ZNF679: variants seen among roughly 807,000 people sequenced by gnomAD.
ZNF679 encodes hypothetical protein MGC42415.
In ZNF679, 10 loss-of-function variants were observed where a neutral mutation model predicts 13.4. The ratio of observed to expected loss-of-function variants is 0.75; its 90% CI spans 0.46 to 1.27. The LOEUF (loss-of-function observed/expected upper bound fraction) is 1.27, where lower values mean the gene tolerates loss of function less well. Among genes scored for constraint, ZNF679 ranks in the 50% most tolerant of loss-of-function variants. The pLI is 0.00. For missense variants in ZNF679, 525 were observed against 477.8 expected, an observed-to-expected ratio of 1.10 and a Z score of -0.92; for synonymous variants, 179 against 162.5, an observed-to-expected ratio of 1.10 and a Z score of -0.77.
intron 4 of ZNF679, among the ~76,000 whole-genome samples, chr7:64,262,566 G>T (rs569852103): frequency 2.0e-5 from 3 of 152,116 alleles, no homozygotes; most frequent in East Asian, 3.9e-4. Context: ...TCTGTTGAAG[G>T]GATTATATTT....
chr7:64,235,718 G>A (rs1255434652), intron 1 of ZNF679, among the ~76,000 whole-genome samples: 1 of 151,886 alleles, frequency 6.6e-6, no homozygotes, highest in Non-Finnish European at 1.5e-5. Flanking sequence ...GAACCCAAGA[G>A]GCAGAGGTTG....
intron 4 of ZNF679, among the ~76,000 whole-genome samples, chr7:64,264,186 T>A (rs1356219659): frequency 6.6e-6 from 1 of 152,052 alleles, no homozygotes; most frequent in Non-Finnish European, 1.5e-5. Context: ...TATAAAGATT[T>A]TTTCTTTGTG....
At chr7:64,233,888 T>A (rs1279364351) in intron 1 of ZNF679, among the ~76,000 whole-genome samples, 1 of 151,842 alleles carries the variant, frequency 6.6e-6, no homozygotes, top group Non-Finnish European at 1.5e-5. Flanking sequence ...GGCTGGCTTG[T>A]GAGAAACAAG....
chr7:64,258,903 T>C (rs1199520724), intron 2 of ZNF679, among the ~76,000 whole-genome samples: 1 of 151,806 alleles, frequency 6.6e-6, no homozygotes, highest in Non-Finnish European at 1.5e-5. Flanking sequence ...GTTTTTGTTT[T>C]GTTTTGTTTT....
intron 1 of ZNF679, among the ~76,000 whole-genome samples, chr7:64,241,041 G>A (rs761245534): frequency 3.3e-5 from 5 of 152,124 alleles, no homozygotes; most frequent in Non-Finnish European, 7.4e-5. Flanking sequence ...AACCTTAACA[G>A]TGGGTTCTGT....
In ZNF679 at chr7:64,233,395, G is replaced by A. The variant is rs563332313; in HGVS notation, c.-91+4743G>A. 2.0e-5 allele frequency among the ~76,000 whole-genome samples: 3 copies of A among 152,278 alleles called. No individual in the cohort carries two copies. The South Asian group carries it at 6.2e-4, about 32-fold the overall frequency. ...TAGTCCTAGCTATTGGGAGGCTGAG[G>A]TGGGAGGATTGCTTGAGTCTGGGAG... On this transcript the variant is annotated intron_variant, in intron 1 of 4. Transcript: ENST00000421025.
chr7:64,228,879 C>T (rs1210956180), intron 1 of ZNF679, among the ~76,000 whole-genome samples: 2 of 152,206 alleles, frequency 1.3e-5, no homozygotes, highest in Non-Finnish European at 2.9e-5. Context: ...AGAACCTCAA[C>T]AGTGAGCTGT....
chr7:64,258,562 G>A (rs1418532185), intron 2 of ZNF679, among the ~76,000 whole-genome samples: 18 of 151,908 alleles, frequency 1.2e-4, no homozygotes, highest in Non-Finnish European at 1.9e-4. Context: ...TCAGCCGGGC[G>A]TGGTGGCACA....
chr7:64,250,713 C>T (rs185497300), intron 2 of ZNF679, among the ~76,000 whole-genome samples: 4 of 151,490 alleles, frequency 2.6e-5, no homozygotes, highest in East Asian at 2.0e-4. Context: ...CTCAGCCTCC[C>T]GAATAACTGG....
chr7:64,263,714 T>C (rs1409211005), intron 4 of ZNF679, among the ~76,000 whole-genome samples: 3 of 152,178 alleles, frequency 2.0e-5, no homozygotes, highest in African/African-American at 7.2e-5. Context: ...ACATGTTTGG[T>C]TCTTTTTTGC....
At chr7:64,253,701 A>C (rs899107325) in intron 2 of ZNF679, among the ~76,000 whole-genome samples, 1 of 152,224 alleles carries the variant, frequency 6.6e-6, no homozygotes, top group African/African-American at 2.4e-5. Context: ...TCTTTCATAG[A>C]GAATAGCAAA....
chr7:64,231,053 C>T (rs1478083015), intron 1 of ZNF679, among the ~76,000 whole-genome samples: 1 of 152,182 alleles, frequency 6.6e-6, no homozygotes, highest in East Asian at 1.9e-4. Context: ...CTATGAGAGT[C>T]ACAGTCCCAT....
At chr7:64,234,449 G>A (rs1413989312) in intron 1 of ZNF679, among the ~76,000 whole-genome samples, 1 of 152,168 alleles carries the variant, frequency 6.6e-6, no homozygotes, top group Non-Finnish European at 1.5e-5. Context: ...AGCAAATTGA[G>A]TAAAATGTGG....
chr7:64,229,967 G>C (rs1038810788), intron 1 of ZNF679, among the ~76,000 whole-genome samples: 3 of 152,180 alleles, frequency 2.0e-5, no homozygotes, highest in Admixed American at 1.3e-4. Context: ...TAAGAGGATA[G>C]TCACATCGCT....
Position 64,243,560 on chromosome 7 carries a change from G to A in ZNF679, c.-90-5468G>A, listed in dbSNP as rs577700560. ...ACATAACAAAGGTGATGGGCCTAAA[G>A]ATATCTCACAGTAACCCCTGTGGAC... On this transcript the variant is annotated intron_variant, in intron 1 of 4. Coordinates refer to ENST00000421025, the MANE Select transcript of ZNF679 (RefSeq NM_153363.3). Among the ~76,000 whole-genome samples, 4 of 152,252 alleles carry A rather than the reference G, an allele frequency of 2.6e-5. No homozygotes were observed. In the South Asian group the frequency reaches 8.3e-4, roughly 32 times the overall value.
chr7:64,247,131 C>T (rs926564630), intron 1 of ZNF679, among the ~76,000 whole-genome samples: 1 of 152,188 alleles, frequency 6.6e-6, no homozygotes, highest in African/African-American at 2.4e-5. Flanking sequence ...TTCCTGAGGA[C>T]AATCAGAGGT....
At chr7:64,265,254 A>G (rs1788128197) in intron 4 of ZNF679, among the ~76,000 whole-genome samples, 1 of 152,166 alleles carries the variant, frequency 6.6e-6, no homozygotes, top group Non-Finnish European at 1.5e-5. Context: ...TCTTGGCTAG[A>G]GATTCACAGA....
chr7:64,266,406 A>G lies in ZNF679; in HGVS notation c.773A>G (p.His258Arg), dbSNP rs1263242396. 1.9e-6 allele frequency: 3 copies of G among 1,613,136 alleles called. No homozygotes were observed. The highest frequency in any genetic ancestry group is 2.5e-6 in the Non-Finnish European group (3 of 1,179,490). ...ACCTGGTCCTCAACCCTTACTAAAC[A>G]TAGGAGAATTCATACTGGAGAAAAA... is the stretch of plus-strand genomic sequence containing the variant. ...AFTWSSTLTK[H>R]RRIHTGEKPY... The change falls in exon 5 of 5, where the codon CAT becomes CGT. Residue 258 changes from histidine to arginine, a missense_variant. Coordinates refer to ENST00000421025, the MANE Select transcript of ZNF679 (RefSeq NM_153363.3).
At chr7:64,261,255 A>G (rs1298997412) in intron 4 of ZNF679, among the ~76,000 whole-genome samples, 1 of 142,572 alleles carries the variant, frequency 7.0e-6, no homozygotes, top group Non-Finnish European at 1.6e-5. Context: ...GAGAAACTCT[A>G]TGTTAAACCA....
Sources: gnomAD v4.1 joint callset for allele counts (sites outside exome capture counted in the v4.1 genomes callset) on GRCh38, gnomAD v4.1.1 for gene constraint, MANE v1.5 for transcripts, NCBI Gene and HGNC (gene_info 2026-07-23, HGNC 2026-07-21) for gene names.